The following CALCR variants were observed in gnomAD, a reference collection of about 807,000 sequenced individuals.
The protein encoded by CALCR is calcitonin receptor.
Under a neutral mutation model 59.5 loss-of-function variants are expected in CALCR, and 47 were observed. The observed-to-expected ratio is 0.79, with a 90% confidence interval of 0.63 to 1.01. The LOEUF (loss-of-function observed/expected upper bound fraction) is 1.01, where lower values mean the gene tolerates loss of function less well. Ranked by LOEUF, CALCR falls within the 50% of genes least tolerant of loss-of-function variation. The pLI, the probability that CALCR is intolerant of heterozygous loss-of-function variation, is 0.00. For synonymous variants in CALCR, 213 were observed against 211.3 expected (o/e 1.01, Z -0.07); for missense variants, 566 against 597.1 (o/e 0.95, Z 0.54).
intron 8 of CALCR, among the ~76,000 whole-genome samples, chr7:93,451,587 C>CA (rs935238900): frequency 1.2e-4 from 18 of 151,710 alleles, no homozygotes; most frequent in Admixed American, 6.6e-5. Flanking sequence ...AACACACAAA[C>CA]AAAAAAATGA....
chr7:93,495,957 C>A (rs1246627944), intron 2 of CALCR: 2 of 1,514,694 alleles, frequency 1.3e-6, no homozygotes, highest in Non-Finnish European at 8.8e-7. Flanking sequence ...GTGGGTGGAT[C>A]AGTGGGAATC....
At chr7:93,490,386 T>C (rs1158009097) in intron 2 of CALCR, among the ~76,000 whole-genome samples, 1 of 151,852 alleles carries the variant, frequency 6.6e-6, no homozygotes, top group Admixed American at 6.6e-5. Context: ...CAACATGGTA[T>C]TGGAAATTCT....
Position 93,472,496 on chromosome 7 carries a change from G to C in CALCR, c.317-9C>G. 1.4e-6 allele frequency: 2 copies of C among 1,441,428 alleles called. No individual in the cohort carries two copies. Among genetic ancestry groups the C allele is most frequent in the South Asian group, 1.2e-5 (1 of 85,888 alleles). The allele number at this position is 1,441,428 out of a possible 1,614,324, so 89.3% of individuals were successfully genotyped here. On this transcript the variant is annotated splice_polypyrimidine_tract_variant and intron_variant, in intron 5 of 13. Coordinates refer to ENST00000426151, the MANE Select transcript of CALCR (RefSeq NM_001742.4). ...GTATTTTGTAACCTTTTCTGTTAATGAAACATAACAGTTATTGCATTAATA... is the reference window on the plus strand; with the variant it reads ...GTATTTTGTAACCTTTTCTGTTAATCAAACATAACAGTTATTGCATTAATA...
intron 6 of CALCR, among the ~76,000 whole-genome samples, chr7:93,469,634 A>G (rs1167930857): frequency 6.6e-6 from 1 of 151,016 alleles, no homozygotes; most frequent in Non-Finnish European, 1.5e-5. Context: ...ATTTTGTACT[A>G]TTTAGCCAAT....
intron 2 of CALCR, among the ~76,000 whole-genome samples, chr7:93,564,943 A>G (rs770708382): frequency 1.1e-4 from 16 of 152,216 alleles, no homozygotes; most frequent in Admixed American, 6.5e-5. Flanking sequence ...CTTCTAGAAT[A>G]AATGAGAATA....
intron 2 of CALCR, among the ~76,000 whole-genome samples, chr7:93,568,541 C>G (rs1050375306): frequency 6.6e-6 from 1 of 150,478 alleles, no homozygotes; most frequent in Non-Finnish European, 1.5e-5. Context: ...CTCTCTCTCT[C>G]TCTCTCTCTC....
intron 2 of CALCR, among the ~76,000 whole-genome samples, chr7:93,517,884 T>C (rs1214702068): frequency 6.6e-6 from 1 of 151,772 alleles, no homozygotes; most frequent in African/African-American, 2.4e-5. Flanking sequence ...TAAGTCCAAC[T>C]CCCCTTAGGA....
At chr7:93,560,605 A>G (rs548228849) in intron 2 of CALCR, among the ~76,000 whole-genome samples, 1 of 152,248 alleles carries the variant, frequency 6.6e-6, no homozygotes, top group East Asian at 1.9e-4. Context: ...CTTGATATGT[A>G]CAATGAATCA....
chr7:93,501,707 C>T (rs1442981978), intron 2 of CALCR, among the ~76,000 whole-genome samples: 1 of 152,054 alleles, frequency 6.6e-6, no homozygotes, highest in Non-Finnish European at 1.5e-5. Context: ...GTGATAGGAG[C>T]TAAAGGACGC....
chr7:93,446,317 T>A (rs1045054923), intron 8 of CALCR, among the ~76,000 whole-genome samples: 1 of 152,000 alleles, frequency 6.6e-6, no homozygotes, highest in Non-Finnish European at 1.5e-5. Context: ...CTATTAGAAT[T>A]TTTCACAAAA....
In CALCR at chr7:93,532,838, CAAAAAAAAAA is replaced by C. The variant is rs57128008; in HGVS notation, c.-27+41441_-27+41450del. ...TAGCCTTGATTCCTCATGTCCAAAG[CAAAAAAAAAA>C]AAAAAAAAAAAAAAATACTTACTCA... On this transcript the variant is annotated intron_variant, in intron 2 of 13. Transcript: ENST00000426151. Among the ~76,000 whole-genome samples the C allele has an allele frequency of 3.7e-3, 355 of 95,660 alleles. 7 individuals are homozygous for C. Among genetic ancestry groups the C allele is most frequent in the African/African-American group, 0.016 (322 of 19,932 alleles). The allele number at this position is 95,660 out of a possible 152,430, so 62.8% of individuals were successfully genotyped here. A position where few individuals can be genotyped will look rare whatever the true frequency, so the allele number is the denominator to read the frequency against.
At chr7:93,568,302 G>C (rs1313075834) in intron 2 of CALCR, among the ~76,000 whole-genome samples, 8 of 152,090 alleles carry the variant, frequency 5.3e-5, no homozygotes, top group Non-Finnish European at 2.9e-5. Flanking sequence ...AGTAAGGCAG[G>C]CGTCTCAAAC....
chr7:93,426,449 A>G lies in CALCR; in HGVS notation c.1332T>C (p.His444=). Residue 444 remains histidine (H), a synonymous_variant, in exon 14 of 14, where the codon CAT becomes CAC. Coordinates refer to ENST00000426151, the MANE Select transcript of CALCR (RefSeq NM_001742.4). ...TGGCTGGTTCATTCCTCAGCTCCTG[A>G]TGGCAGATGTAAATTGGGATGTCGC... ...EAGDIPIYIC[H]QELRNEPANN... is the part of the protein sequence containing the mutation. 2 of 1,613,804 alleles carry G rather than the reference A, an allele frequency of 1.2e-6. No individual in the cohort carries two copies. Among genetic ancestry groups the G allele is most frequent in the South Asian group, 2.2e-5 (2 of 91,070 alleles).
At chr7:93,484,621 A>C (rs1345472134) in intron 3 of CALCR, among the ~76,000 whole-genome samples, 2 of 151,832 alleles carry the variant, frequency 1.3e-5, no homozygotes, top group African/African-American at 2.4e-5. Context: ...TGGTTTTCCC[A>C]GGTAAGATCA....
intron 8 of CALCR, among the ~76,000 whole-genome samples, chr7:93,454,965 A>G (rs572373304): frequency 4.8e-5 from 7 of 145,290 alleles, no homozygotes; most frequent in African/African-American, 1.8e-4. Flanking sequence ...TGTTTTCCTT[A>G]CCCTCAACAA....
chr7:93,540,176 A>T (rs970006434), intron 2 of CALCR, among the ~76,000 whole-genome samples: 2 of 152,220 alleles, frequency 1.3e-5, no homozygotes, highest in Non-Finnish European at 2.9e-5. Flanking sequence ...AGGACTTGAA[A>T]AGCAGGTAAT....
intron 3 of CALCR, chr7:93,482,921 T>A (rs190765274): frequency 8.3e-5 from 43 of 518,082 alleles, no homozygotes; most frequent in South Asian, 6.1e-4. Flanking sequence ...TGGTTCATAT[T>A]TGAGCACTGA....
intron 2 of CALCR, among the ~76,000 whole-genome samples, chr7:93,513,875 G>A (rs1368016027): frequency 6.6e-6 from 1 of 151,296 alleles, no homozygotes; most frequent in Non-Finnish European, 1.5e-5. Context: ...TAAATATATA[G>A]ATACTTCATT....
intron 2 of CALCR, among the ~76,000 whole-genome samples, chr7:93,568,786 A>G (rs570302023): frequency 6.6e-6 from 1 of 152,030 alleles, no homozygotes; most frequent in Non-Finnish European, 1.5e-5. Context: ...TATGTCTCTT[A>G]AATTTATATT....
Sources: allele counts gnomAD v4.1 joint callset (sites outside exome capture counted in the v4.1 genomes callset), GRCh38; gene constraint gnomAD v4.1.1; transcripts MANE v1.5; gene names NCBI Gene and HGNC (gene_info 2026-07-23, HGNC 2026-07-21).